RGS6: variants seen among roughly 807,000 people sequenced by gnomAD.
The protein encoded by RGS6 is regulator of G protein signaling 6.
In RGS6, 30 loss-of-function variants were observed where a neutral mutation model predicts 78.5. The observed-to-expected ratio is 0.38, with a 90% CI of 0.29 to 0.52. The LOEUF (loss-of-function observed/expected upper bound fraction) is 0.52, where lower values mean the gene tolerates loss of function less well. Among genes scored for constraint, RGS6 ranks in the 20% least tolerant of loss-of-function variants. RGS6 has a pLI of 0.85. For missense variants in RGS6, 495 were observed against 609.7 expected (o/e 0.81, Z 1.98); for synonymous variants, 206 against 206.0 (o/e 1.00, Z 0.00).
At chr14:72,370,703 T>C (rs2152833445) in intron 3 of RGS6, among the ~76,000 whole-genome samples, 1 of 152,310 alleles carries the variant, frequency 6.6e-6, no homozygotes, top group Admixed American at 6.5e-5. Context: ...TGCAAGAGAC[T>C]ACCAGAGTGT....
At chr14:72,402,640 T>C (rs1205708401) in intron 3 of RGS6, among the ~76,000 whole-genome samples, 2 of 152,040 alleles carry the variant, frequency 1.3e-5, no homozygotes, top group East Asian at 1.9e-4. Flanking sequence ...AACCCACTTA[T>C]ACTGTGTTGG....
At chr14:72,494,837 C>T (rs946580018) in intron 12 of RGS6, among the ~76,000 whole-genome samples, 2 of 152,036 alleles carry the variant, frequency 1.3e-5, no homozygotes, top group African/African-American at 4.8e-5. Context: ...CAGTTTTGAC[C>T]AGTGTATTAG....
At position 72,213,517 on chromosome 14, in the gene RGS6, A is replaced by G. The variant is rs541172092; in HGVS notation, c.85-138578A>G. ...CTTACTAATTTGATTTGACCGCTGT[A>G]GTGAAGCTTGTCTCCTCCTCCACAG... On this transcript the variant is annotated intron_variant, in intron 2 of 17. Transcript: ENST00000553525. 3.3e-5 allele frequency among the ~76,000 whole-genome samples: 5 copies of G among 152,304 alleles called. No homozygotes were observed. The East Asian group carries it at 5.8e-4, about 18-fold the overall frequency.
At chr14:72,126,836 C>G (rs994928171) in intron 2 of RGS6, among the ~76,000 whole-genome samples, 1 of 152,148 alleles carries the variant, frequency 6.6e-6, no homozygotes, top group Non-Finnish European at 1.5e-5. Flanking sequence ...CCTTTTAAAT[C>G]AGTAAGTAAT....
rs2084331729 is a variant in RGS6 at position 72,005,439 on chromosome 14, C to CTCTATCTATCTATCCATCTA, written c.84+40578_84+40579insCATCTATCTATCTATCTATC. Among the ~76,000 whole-genome samples the CTCTATCTATCTATCCATCTA allele has an allele frequency of 2.1e-5, 3 of 143,512 alleles. No homozygotes were observed. In the South Asian group the frequency reaches 6.7e-4, roughly 32 times the overall value. The allele number at this position is 143,512 out of a possible 152,430, so 94.1% of individuals were successfully genotyped here. A position where few individuals can be genotyped will look rare whatever the true frequency, so the allele number is the denominator to read the frequency against. On this transcript the variant is annotated intron_variant, in intron 2 of 17. Coordinates refer to ENST00000553525, the MANE Select transcript of RGS6 (RefSeq NM_001204424.2). ...TTTCCAAGATTACACACCTGCATAT[C>CTCTATCTATCTATCCATCTA]TCTATCTATCTATCTATCTATCTAT...
In RGS6 at chr14:72,429,037, C is replaced by T. The variant is rs1214410762; in HGVS notation, c.185-25491C>T. ...GCAACATGGTGAAACCCTGTCTCTA[C>T]TAAAATACAAAAAAAGTTTCCAGGT... On this transcript the variant is annotated intron_variant, in intron 3 of 17. Coordinates refer to ENST00000553525, the MANE Select transcript of RGS6 (RefSeq NM_001204424.2). Among the ~76,000 whole-genome samples, 2 of 152,124 alleles carry T rather than the reference C, an allele frequency of 1.3e-5. 1 individual carries two copies. Among genetic ancestry groups the T allele is most frequent in the East Asian group, 3.9e-4 (2 of 5,188 alleles).
At chr14:72,444,458 C>T (rs890177296) in intron 3 of RGS6, among the ~76,000 whole-genome samples, 3 of 152,220 alleles carry the variant, frequency 2.0e-5, no homozygotes, top group Non-Finnish European at 4.4e-5. Context: ...CTCCCCAGGC[C>T]TTCGCTGCAG....
chr14:72,223,573 G>A (rs1350377604), intron 2 of RGS6, among the ~76,000 whole-genome samples: 1 of 152,246 alleles, frequency 6.6e-6, no homozygotes, highest in Admixed American at 6.5e-5. Context: ...AACTATTCAT[G>A]TAGATAAATC....
intron 1 of RGS6, among the ~76,000 whole-genome samples, chr14:71,951,510 C>T (rs553763400): frequency 4.6e-5 from 7 of 152,220 alleles, no homozygotes; most frequent in Middle Eastern, 3.4e-3. Context: ...TCATGGCACA[C>T]GTTTACCTAT....
rs528175680 is a variant in RGS6, at chr14:72,224,743, A to C, written c.85-127352A>C. Among the ~76,000 whole-genome samples, 100 of 152,208 alleles carry C rather than the reference A, an allele frequency of 6.6e-4. 1 individual carries two copies. The highest frequency in any genetic ancestry group is 3.4e-3 in the Middle Eastern group (1 of 294). On this transcript the variant is annotated intron_variant, in intron 2 of 17. Transcript: ENST00000553525. ...CATCAGTATATAAAGCATTACATTT[A>C]ATCTCTGGGGACTTAGAGATCAGTG...
chr14:72,186,305 C>T (rs1232107145), intron 2 of RGS6, among the ~76,000 whole-genome samples: 1 of 152,206 alleles, frequency 6.6e-6, no homozygotes, highest in South Asian at 2.1e-4. Context: ...TGGGCATTAA[C>T]GCAGATGGAA....
At chr14:71,869,291 T>C in the RGS6 span, among the ~76,000 whole-genome samples, 1 of 152,168 alleles carries the variant, frequency 6.6e-6, no homozygotes, top group Non-Finnish European at 1.5e-5. Flanking sequence ...GATGAGCAAG[T>C]AGGTTTCTTA....
intron 2 of RGS6, among the ~76,000 whole-genome samples, chr14:72,154,163 G>A (rs2153644410): frequency 6.6e-6 from 1 of 152,274 alleles, no homozygotes; most frequent in South Asian, 2.1e-4. Flanking sequence ...TCGGCAAGAA[G>A]AAAAATATGT....
chr14:72,112,015 C>A (rs1167665134), intron 2 of RGS6, among the ~76,000 whole-genome samples: 1 of 152,160 alleles, frequency 6.6e-6, no homozygotes, highest in Admixed American at 6.5e-5. Context: ...TTGGTTTAAT[C>A]CCCTTGAGAA....
intron 2 of RGS6, among the ~76,000 whole-genome samples, chr14:72,231,381 TA>T (rs1734447025): frequency 6.6e-6 from 1 of 152,160 alleles, no homozygotes; most frequent in South Asian, 2.1e-4. Context: ...CTAAATGTGG[TA>T]TATTGGAGTT....
At chr14:72,147,934 A>G (rs1484597952) in intron 2 of RGS6, among the ~76,000 whole-genome samples, 2 of 152,256 alleles carry the variant, frequency 1.3e-5, no homozygotes, top group East Asian at 1.9e-4. Flanking sequence ...GATTGAGACC[A>G]TCCTGGCTAA....
At chr14:71,973,544 G>T (rs1273267749) in intron 2 of RGS6, among the ~76,000 whole-genome samples, 1 of 152,060 alleles carries the variant, frequency 6.6e-6, no homozygotes, top group Non-Finnish European at 1.5e-5. Flanking sequence ...AATTGGCCAG[G>T]CATGGTGGCA....
chr14:71,920,164 C>T, the RGS6 span, among the ~76,000 whole-genome samples: 20 of 152,086 alleles, frequency 1.3e-4, no homozygotes, highest in Admixed American at 9.8e-4. Context: ...TGAATTCAGA[C>T]GCAGGTCTTT....
chr14:72,016,830 G>A lies in RGS6; in HGVS notation c.84+51955G>A, dbSNP rs555024293. ...TAAACTGTATTTTAGGAATGTGGAA[G>A]CCCTATTGGGCTTTTGTTGGAATTA... is the stretch of plus-strand genomic sequence containing the variant. On this transcript the variant is annotated intron_variant, in intron 2 of 17. Transcript: ENST00000553525. Among the ~76,000 whole-genome samples, 13 of 152,290 alleles carry A rather than the reference G, an allele frequency of 8.5e-5. No individual in the cohort carries two copies. The East Asian group carries it at 2.5e-3, about 29-fold the overall frequency.
Sources: allele counts gnomAD v4.1 joint callset (sites outside exome capture counted in the v4.1 genomes callset), GRCh38; gene constraint gnomAD v4.1.1; transcripts MANE v1.5; gene names NCBI Gene and HGNC (gene_info 2026-07-23, HGNC 2026-07-21).